The following KDM7A variants were observed in gnomAD, a reference collection of about 807,000 sequenced individuals.
KDM7A encodes the protein lysine-specific demethylase 7A.
KDM7A carries 28 observed loss-of-function variants against 114.8 expected under a neutral mutation model. That is an observed-to-expected ratio of 0.24 (90% CI 0.18 to 0.33). KDM7A has a LOEUF of 0.33. Ranked by LOEUF, KDM7A falls within the 10% of genes least tolerant of loss-of-function variation. KDM7A has a pLI of 1.00. For missense variants in KDM7A, 942 were observed against 1,142.5 expected (o/e 0.82, Z 2.53); for synonymous variants, 423 against 397.8 (o/e 1.06, Z -0.75).
At chr7:140,140,562 T>A (rs1794257765) in intron 1 of KDM7A, among the ~76,000 whole-genome samples, 1 of 151,864 alleles carries the variant, frequency 6.6e-6, no homozygotes, top group Non-Finnish European at 1.5e-5. Context: ...GATCACGAGA[T>A]CAGGAGTTCA....
At chr7:140,100,717 T>TACAC (rs1562946076) in intron 12 of KDM7A, among the ~76,000 whole-genome samples, 25 of 53,262 alleles carry the variant, frequency 4.7e-4, no homozygotes, top group African/African-American at 1.5e-3. Flanking sequence ...TACACATATA[T>TACAC]ATATATATAT....
chr7:140,157,527 G>C (rs1478171636), intron 1 of KDM7A, among the ~76,000 whole-genome samples: 3 of 152,138 alleles, frequency 2.0e-5, no homozygotes, highest in Admixed American at 6.5e-5. Flanking sequence ...GTTGGTGCAT[G>C]CCTGTAGTCC....
chr7:140,090,014 A>C lies in KDM7A; in HGVS notation c.*1080T>G, dbSNP rs1468989770. ...CAACAAATCAGGTATGGAGCATAAAAGTATCATAAGGTATAACCTCTGCAG... is the reference window on the plus strand; with the variant it reads ...CAACAAATCAGGTATGGAGCATAAACGTATCATAAGGTATAACCTCTGCAG... On this transcript the variant is annotated 3_prime_UTR_variant, in exon 20 of 20. Coordinates refer to ENST00000397560, the MANE Select transcript of KDM7A (RefSeq NM_030647.2). The C allele has an allele frequency of 6.6e-6, 1 of 152,238 alleles. No individual in the cohort carries two copies. Among genetic ancestry groups the C allele is most frequent in the African/African-American group, 2.4e-5 (1 of 41,454 alleles). 9.4% of individuals were successfully genotyped at this position (152,238 alleles called of 1,614,324 possible). A position where few individuals can be genotyped will look rare whatever the true frequency, so the allele number is the denominator to read the frequency against.
At chr7:140,127,157 C>CG (rs1489064530) in intron 5 of KDM7A, among the ~76,000 whole-genome samples, 1 of 152,164 alleles carries the variant, frequency 6.6e-6, no homozygotes, top group Non-Finnish European at 1.5e-5. Context: ...GAGGGGGTTA[C>CG]GCCATGTTGG....
intron 10 of KDM7A, 36 bp downstream of exon 10, chr7:140,113,455 A>G: frequency 2.2e-6 from 2 of 903,092 alleles, no homozygotes; most frequent in Non-Finnish European, 3.0e-6. Flanking sequence ...ATCTTGTGGC[A>G]TAAAACACAG....
At chr7:140,113,437 T>A in intron 10 of KDM7A, 54 bp downstream of exon 10, 1 of 1,079,544 alleles carries the variant, frequency 9.3e-7, no homozygotes, top group East Asian at 2.4e-5. Flanking sequence ...AAGGACTCTG[T>A]TTTCCTAATC....
chr7:140,108,696 C>A (rs1427461465), intron 11 of KDM7A, among the ~76,000 whole-genome samples: 1 of 152,192 alleles, frequency 6.6e-6, no homozygotes, highest in East Asian at 1.9e-4. Flanking sequence ...GAGGTGTCTC[C>A]CATTTAGGCT....
At chr7:140,174,046 C>T (rs920355930) in intron 1 of KDM7A, among the ~76,000 whole-genome samples, 9 of 151,988 alleles carry the variant, frequency 5.9e-5, no homozygotes, top group Non-Finnish European at 8.8e-5. Flanking sequence ...CACCTGTAAT[C>T]CCAGCTACTC....
At position 140,137,353 on chromosome 7, in the gene KDM7A, T is replaced by C. The variant is rs564005063; in HGVS notation, c.280+1752A>G. ...ATCATATAGAAAAAAATGAAGTGTATCACATTATTCTGCCTCATAGTAACT... is the reference window on the plus strand; with the variant it reads ...ATCATATAGAAAAAAATGAAGTGTACCACATTATTCTGCCTCATAGTAACT... On this transcript the variant is annotated intron_variant, in intron 2 of 19. Transcript: ENST00000397560. Among the ~76,000 whole-genome samples the C allele has an allele frequency of 2.6e-5, 4 of 152,338 alleles. No homozygotes were observed. The East Asian group carries it at 5.8e-4, about 22-fold the overall frequency.
At chr7:140,104,219 T>C (rs137993847) in intron 11 of KDM7A, among the ~76,000 whole-genome samples, 31 of 152,366 alleles carry the variant, frequency 2.0e-4, no homozygotes, top group African/African-American at 7.5e-4. Context: ...TAGCCCATTG[T>C]CAGATGGGTA....
At chr7:140,146,766 A>G (rs1332065842) in intron 1 of KDM7A, among the ~76,000 whole-genome samples, 2 of 152,070 alleles carry the variant, frequency 1.3e-5, no homozygotes, top group Non-Finnish European at 2.9e-5. Context: ...AGCACTTTCC[A>G]TTGTCTTAAT....
In KDM7A at chr7:140,136,438, A is replaced by C. The variant is rs182664891; in HGVS notation, c.280+2667T>G. Reference sequence around the variant, plus strand: ...ATGTAACAGCTGATTGAATTTCTTAAAGGAAGGAGGTCAGTGAAGGAATAT... The same window carrying C: ...ATGTAACAGCTGATTGAATTTCTTACAGGAAGGAGGTCAGTGAAGGAATAT... On this transcript the variant is annotated intron_variant, in intron 2 of 19. Coordinates refer to ENST00000397560, the MANE Select transcript of KDM7A (RefSeq NM_030647.2). 5.3e-5 allele frequency among the ~76,000 whole-genome samples: 8 copies of C among 152,302 alleles called. No homozygotes were observed. The East Asian group carries it at 9.6e-4, about 18-fold the overall frequency.
At chr7:140,110,400 A>G (rs148324710) in intron 11 of KDM7A, among the ~76,000 whole-genome samples, 3 of 152,130 alleles carry the variant, frequency 2.0e-5, no homozygotes, top group African/African-American at 7.2e-5. Context: ...CATTCTATCC[A>G]TTGATATTAA....
chr7:140,102,829 A>C (rs975831497), intron 11 of KDM7A, among the ~76,000 whole-genome samples: 1 of 152,178 alleles, frequency 6.6e-6, no homozygotes, highest in Non-Finnish European at 1.5e-5. Context: ...TTACTTTTTA[A>C]ACTAAAATTA....
chr7:140,100,889 T>A (rs1191813240), intron 12 of KDM7A, among the ~76,000 whole-genome samples: 1 of 150,998 alleles, frequency 6.6e-6, no homozygotes. Flanking sequence ...GCCTCCTGAG[T>A]AGCTGGAACT....
intron 1 of KDM7A, among the ~76,000 whole-genome samples, chr7:140,157,196 C>T (rs1400623317): frequency 6.6e-6 from 1 of 152,140 alleles, no homozygotes; most frequent in Non-Finnish European, 1.5e-5. Context: ...AGGAATTCTC[C>T]AAAGGGAAAA....
chr7:140,111,465 C>T (rs1009893890), intron 10 of KDM7A, among the ~76,000 whole-genome samples: 1 of 152,176 alleles, frequency 6.6e-6, no homozygotes, highest in African/African-American at 2.4e-5. Context: ...TCAAAGCCTA[C>T]TGTAATTCTA....
intron 1 of KDM7A, among the ~76,000 whole-genome samples, chr7:140,172,707 T>C (rs1348205739): frequency 2.6e-5 from 4 of 151,748 alleles, no homozygotes; most frequent in Non-Finnish European, 5.9e-5. Flanking sequence ...TATTTTCAAA[T>C]ATATTGTACT....
At chr7:140,135,039 A>C (rs1429278962) in intron 2 of KDM7A, among the ~76,000 whole-genome samples, 1 of 87,524 alleles carries the variant, frequency 1.1e-5, no homozygotes, top group African/African-American at 5.6e-5. Flanking sequence ...AGTCCCATTA[A>C]AAAAAAAAAA....
Sources: allele counts gnomAD v4.1 joint callset (sites outside exome capture counted in the v4.1 genomes callset), GRCh38; gene constraint gnomAD v4.1.1; transcripts MANE v1.5; gene names NCBI Gene and HGNC (gene_info 2026-07-23, HGNC 2026-07-21).